PLA2G2F: variants seen among roughly 807,000 people sequenced by gnomAD.
PLA2G2F encodes the protein phospholipase A2 group IIF, also known as group IIF secretory phospholipase A2.
PLA2G2F carries 17 observed loss-of-function variants against 15.9 expected under a neutral mutation model. The ratio of observed to expected loss-of-function variants is 1.07; its 90% confidence interval spans 0.73 to 1.60. The LOEUF (loss-of-function observed/expected upper bound fraction) is 1.60. Among genes scored for constraint, PLA2G2F ranks in the 40% most tolerant of loss-of-function variants. The pLI, the probability that PLA2G2F is intolerant of heterozygous loss-of-function variation, is 0.00. For synonymous variants in PLA2G2F, 119 were observed against 106.5 expected (o/e 1.12, Z -0.72); for missense variants, 299 against 278.2 (o/e 1.07, Z -0.53).
At chr1:20,143,777 T>A in intron 3 of PLA2G2F, 187 bp downstream of exon 3, 1 of 700,228 alleles carries the variant, frequency 1.4e-6, no homozygotes, top group Non-Finnish European at 2.3e-6. Context: ...GAGCGCTTTC[T>A]GTTGTCCATC....
chr1:20,150,331 C>T lies in PLA2G2F; in HGVS notation c.*1930C>T, dbSNP rs2017714868. On this transcript the variant is annotated 3_prime_UTR_variant, in exon 5 of 5. Coordinates refer to ENST00000375102, the MANE Select transcript of PLA2G2F (RefSeq NM_022819.4). ...GGATGCTGCAGCTCCTGGATAATCT[C>T]CACAGGACTCGGCTTCCTCTCCTCA... 1 of 152,426 alleles carries T rather than the reference C, an allele frequency of 6.6e-6. No individual in the cohort carries two copies. The highest frequency in any genetic ancestry group is 2.1e-4 in the South Asian group (1 of 4,840). 9.4% of individuals were successfully genotyped at this position (152,426 alleles called of 1,614,324 possible). A position where few individuals can be genotyped will look rare whatever the true frequency, so the allele number is the denominator to read the frequency against.
chr1:20,143,611 C>T (rs779703232), intron 3 of PLA2G2F, 21 bp downstream of exon 3: 2 of 1,610,178 alleles, frequency 1.2e-6, no homozygotes, highest in Admixed American at 1.7e-5. Context: ...GAGGCCTGGG[C>T]TCCTGTCAGG....
chr1:20,148,501 C>A lies in PLA2G2F; in HGVS notation c.*100C>A. 1 of 991,266 alleles carries A rather than the reference C, an allele frequency of 1.0e-6. No homozygotes were observed. Among genetic ancestry groups the A allele is most frequent in the Admixed American group, 2.2e-5 (1 of 46,300 alleles). The allele number at this position is 991,266 out of a possible 1,614,324, so 61.4% of individuals were successfully genotyped here. A position where few individuals can be genotyped will look rare whatever the true frequency, so the allele number is the denominator to read the frequency against. ...AGCCAGGCCAGGAGCCTGAGGGTTG[C>A]TGGTTGCCTCCTCCCTGGAGCTCTC... is the stretch of plus-strand genomic sequence containing the variant. On this transcript the variant is annotated 3_prime_UTR_variant, in exon 5 of 5. Transcript: ENST00000375102.
chr1:20,143,370 G>T, intron 2 of PLA2G2F, 76 bp from the exon 3 acceptor site: 1 of 1,555,788 alleles, frequency 6.4e-7, no homozygotes, highest in Non-Finnish European at 8.8e-7. Context: ...GGTCAGTCCA[G>T]ACTCTCAGGA....
At chr1:20,142,146 A>C (rs2017486290) in intron 2 of PLA2G2F, 1 of 152,302 alleles carries the variant, frequency 6.6e-6, no homozygotes, top group South Asian at 2.1e-4. Context: ...CAGGCTGGGG[A>C]GCAGGGTGGA....
chr1:20,148,081 C>T (rs1295855540), intron 4 of PLA2G2F, 109 bp from the exon 5 acceptor site: 4 of 919,972 alleles, frequency 4.3e-6, no homozygotes, highest in Non-Finnish European at 7.1e-6. Context: ...TAACACATTC[C>T]AAGGACCACT....
intron 3 of PLA2G2F, 91 bp downstream of exon 3, chr1:20,143,681 G>A (rs2017526207): frequency 3.4e-6 from 5 of 1,466,852 alleles, no homozygotes; most frequent in African/African-American, 2.8e-5. Context: ...GAGTGGGGGA[G>A]ACCTTCTTTC....
At chr1:20,147,956 AC>A (rs2017644120) in intron 4 of PLA2G2F, among the ~76,000 whole-genome samples, 1 of 152,028 alleles carries the variant, frequency 6.6e-6, no homozygotes, top group South Asian at 2.1e-4. Context: ...TTTACTATGC[AC>A]CAGAGTCCCC....
intron 2 of PLA2G2F, chr1:20,140,798 C>T (rs2017442583): frequency 6.6e-6 from 1 of 152,494 alleles, no homozygotes; most frequent in South Asian, 2.1e-4. Context: ...GGTGGGAGGT[C>T]AGGGGCTTCT....
At chr1:20,140,431 G>C (rs12563965) in intron 2 of PLA2G2F, 32,611 of 569,006 alleles carry the variant, frequency 0.057, 3,276 homozygotes, top group African/African-American at 0.3. Context: ...AGCCCTGGGG[G>C]GCAGGGCGCA....
chr1:20,144,619 T>C lies in PLA2G2F; in HGVS notation c.354T>C (p.Phe118=), dbSNP rs765035219. ...ACGACTGCTGCTACCAGGAACTCTTTGACCAAGGCTGTCACCCCTATGTGG... is the reference window on the plus strand; with the variant it reads ...ACGACTGCTGCTACCAGGAACTCTTCGACCAAGGCTGTCACCCCTATGTGG... ...HAHDCCYQEL[F]DQGCHPYVDH... Residue 118 remains phenylalanine, a synonymous_variant, in exon 4 of 5, where the codon TTT becomes TTC. Coordinates refer to ENST00000375102, the MANE Select transcript of PLA2G2F (RefSeq NM_022819.4). 31 of 1,612,518 alleles carry C rather than the reference T, an allele frequency of 1.9e-5. No homozygotes were observed. The highest frequency in any genetic ancestry group is 2.6e-5 in the Non-Finnish European group (31 of 1,179,364).
chr1:20,141,495 TG>T (rs1442007077), intron 2 of PLA2G2F: 12 of 152,260 alleles, frequency 7.9e-5, no homozygotes, highest in African/African-American at 2.4e-4. Flanking sequence ...GGCAGGTGTG[TG>T]AGTGTGTGTG....
chr1:20,143,205 G>A (rs2017511121), intron 2 of PLA2G2F: 2 of 488,266 alleles, frequency 4.1e-6, no homozygotes, highest in South Asian at 3.2e-5. Context: ...AGGATGACCT[G>A]CGTTGTTTTC....
In PLA2G2F at chr1:20,144,560, T is replaced by C; in HGVS notation, c.315-20T>C. On this transcript the variant is annotated intron_variant, in intron 3 of 4. Coordinates refer to ENST00000375102, the MANE Select transcript of PLA2G2F (RefSeq NM_022819.4). ...GGCCGGCCCAGCCATGCCTGTCCAC[T>C]CACCTCTGCCGCTCCCTAGGTGCTG... The C allele has an allele frequency of 1.3e-6, 2 of 1,586,652 alleles. No individual in the cohort carries two copies. The highest frequency in any genetic ancestry group is 1.7e-6 in the Non-Finnish European group (2 of 1,161,606).
chr1:20,142,459 G>T (rs548217685), intron 2 of PLA2G2F: 1 of 152,370 alleles, frequency 6.6e-6, no homozygotes, highest in African/African-American at 2.4e-5. Context: ...CAGGCTGGGC[G>T]TGTGGACCCA....
chr1:20,148,398 C>G lies in PLA2G2F; in HGVS notation c.633C>G (p.Pro211=). 6.2e-7 allele frequency: 1 copy of G among 1,609,622 alleles called. No individual in the cohort carries two copies. Among genetic ancestry groups the G allele is most frequent in the Admixed American group, 1.7e-5 (1 of 60,008 alleles). ...SHQSPAPPAP[P] ...AATCCCCAGCGCCCCCCGCCCCTCCCTAGAGCCTCTGAGGTTTGAGAGAGA... is the reference window on the plus strand; with the variant it reads ...AATCCCCAGCGCCCCCCGCCCCTCCGTAGAGCCTCTGAGGTTTGAGAGAGA... The change falls in exon 5 of 5, where the codon CCC becomes CCG. Residue 211 remains proline (P), a synonymous_variant. Coordinates refer to ENST00000375102, the MANE Select transcript of PLA2G2F (RefSeq NM_022819.4).
intron 4 of PLA2G2F, among the ~76,000 whole-genome samples, chr1:20,147,029 G>A (rs796701620): frequency 2.6e-5 from 4 of 152,190 alleles, no homozygotes; most frequent in Admixed American, 6.5e-5. Context: ...TTCTGGGGCC[G>A]TCTGATGCAT....
intron 3 of PLA2G2F, 37 bp from the exon 4 acceptor site, chr1:20,144,543 C>T (rs1417035409): frequency 1.3e-6 from 2 of 1,498,136 alleles, no homozygotes; most frequent in Non-Finnish European, 1.8e-6. Context: ...TGGGCCGGCC[C>T]AGCCATGCCT....
At chr1:20,147,917 A>G (rs2017643676) in intron 4 of PLA2G2F, among the ~76,000 whole-genome samples, 1 of 152,072 alleles carries the variant, frequency 6.6e-6, no homozygotes, top group South Asian at 2.1e-4. Flanking sequence ...CTATGCAATA[A>G]CTGTGTTGGG....
Sources: allele counts gnomAD v4.1 joint callset (sites outside exome capture counted in the v4.1 genomes callset), GRCh38; gene constraint gnomAD v4.1.1; transcripts MANE v1.5; gene names NCBI Gene and HGNC (gene_info 2026-07-23, HGNC 2026-07-21).